PREX1: variants seen among roughly 807,000 people sequenced by gnomAD.
PREX1 encodes phosphatidylinositol-3,4,5-trisphosphate dependent Rac exchange factor 1, also known as phosphatidylinositol 3,4,5-trisphosphate-dependent Rac exchanger 1 protein.
In PREX1, 41 loss-of-function variants were observed where a neutral mutation model predicts 198.3. That is an observed-to-expected ratio of 0.21 (90% CI 0.16 to 0.27). The LOEUF (loss-of-function observed/expected upper bound fraction) is 0.27. PREX1 is among the 10% of genes least tolerant of loss of function. PREX1 has a pLI of 1.00. For missense variants in PREX1, 1,620 were observed against 2,200.7 expected (o/e 0.74, Z 5.28); for synonymous variants, 843 against 887.2 (o/e 0.95, Z 0.89).
chr20:48,665,720 T>A (rs2089634792), intron 15 of PREX1, among the ~76,000 whole-genome samples: 1 of 152,218 alleles, frequency 6.6e-6, no homozygotes, highest in Non-Finnish European at 1.5e-5. Context: ...TTGTTGTAAT[T>A]TAAACCGGTG....
rs1030570880 is a variant in PREX1 at position 48,625,718 on chromosome 20, G to C, written c.*167C>G. The stretch of plus-strand genomic sequence containing the variant: ...ATCAGCCAGCTCGTCATCACAGCGA[G>C]GGTGGCCAGGCTTGTCCCGGAAGGA... On this transcript the variant is annotated 3_prime_UTR_variant, in exon 40 of 40. Coordinates refer to ENST00000371941, the MANE Select transcript of PREX1 (RefSeq NM_020820.4). 1 of 797,500 alleles carries C rather than the reference G, an allele frequency of 1.3e-6. No individual in the cohort carries two copies. 49.4% of individuals were successfully genotyped at this position (797,500 alleles called of 1,614,324 possible).
At chr20:48,636,354 G>A in intron 32 of PREX1, 109 bp downstream of exon 32, 3 of 1,146,024 alleles carry the variant, frequency 2.6e-6, no homozygotes, top group Non-Finnish European at 3.6e-6. Context: ...CTGCGGGAAT[G>A]ACGAGGCCAG....
At chr20:48,754,335 A>G (rs994656932) in intron 1 of PREX1, among the ~76,000 whole-genome samples, 3 of 152,162 alleles carry the variant, frequency 2.0e-5, no homozygotes, top group Non-Finnish European at 4.4e-5. Context: ...CTGGCAAGTG[A>G]AGGAGCTGGG....
chr20:48,641,839 A>AGAGG (rs2089413372), intron 29 of PREX1, among the ~76,000 whole-genome samples: 11 of 94,412 alleles, frequency 1.2e-4, no homozygotes, highest in African/African-American at 5.2e-4. Flanking sequence ...AGAGAGAGAG[A>AGAGG]GAGGAAGGAA....
chr20:48,704,147 G>A (rs984618116), intron 6 of PREX1, among the ~76,000 whole-genome samples: 23 of 152,258 alleles, frequency 1.5e-4, no homozygotes, highest in African/African-American at 3.4e-4. Context: ...GAGGCACAGC[G>A]TGGTGAAGTG....
Position 48,692,656 on chromosome 20 carries a change from C to T in PREX1, c.1036+16G>A. On this transcript the variant is annotated intron_variant, in intron 8 of 39. Transcript: ENST00000371941. Reference sequence around the variant, plus strand: ...GGGCTCAGGCAGGGCTCAGGCAAGGCTGGGGGAGGGGCTACCTGTCCCATC... The same window carrying T: ...GGGCTCAGGCAGGGCTCAGGCAAGGTTGGGGGAGGGGCTACCTGTCCCATC... The T allele has an allele frequency of 6.2e-7, 1 of 1,605,458 alleles. No individual in the cohort carries two copies. Among genetic ancestry groups the T allele is most frequent in the Non-Finnish European group, 8.5e-7 (1 of 1,172,362 alleles).
chr20:48,787,179 C>G (rs1245900648), intron 1 of PREX1, among the ~76,000 whole-genome samples: 2 of 152,148 alleles, frequency 1.3e-5, no homozygotes, highest in African/African-American at 2.4e-5. Flanking sequence ...CCCCTCAACC[C>G]TGGCCCTCCC....
At chr20:48,644,297 A>C in intron 27 of PREX1, 112 bp downstream of exon 27, 1 of 929,956 alleles carries the variant, frequency 1.1e-6, no homozygotes, top group South Asian at 1.6e-5. Context: ...GGACCATGCA[A>C]TAAAACACAA....
chr20:48,717,445 G>C (rs1601094150), intron 5 of PREX1, among the ~76,000 whole-genome samples: 1 of 151,212 alleles, frequency 6.6e-6, no homozygotes, highest in Middle Eastern at 3.4e-3. Flanking sequence ...GCCATACCTA[G>C]GGTGACAGCA....
At chr20:48,776,706 C>T (rs189497369) in intron 1 of PREX1, among the ~76,000 whole-genome samples, 6 of 152,288 alleles carry the variant, frequency 3.9e-5, no homozygotes, top group Non-Finnish European at 8.8e-5. Flanking sequence ...CACTCAGTCT[C>T]CTCTCTGGAA....
intron 37 of PREX1, 24 bp from the exon 38 acceptor site, chr20:48,627,987 C>T (rs746343713): frequency 3.4e-5 from 40 of 1,163,446 alleles, no homozygotes; most frequent in Admixed American, 1.0e-4. Flanking sequence ...GGGAGGACAG[C>T]GGGTTGGCGG....
chr20:48,836,271 A>T, the PREX1 span, among the ~76,000 whole-genome samples: 1 of 152,136 alleles, frequency 6.6e-6, no homozygotes. Context: ...AAATGTAGCC[A>T]TTGTCAGGAT....
At chr20:48,710,782 G>A (rs888241360) in intron 5 of PREX1, among the ~76,000 whole-genome samples, 4 of 152,248 alleles carry the variant, frequency 2.6e-5, no homozygotes, top group South Asian at 2.1e-4. Flanking sequence ...GTGAGGCCAC[G>A]GGCCACACTG....
chr20:48,651,529 A>G lies in PREX1; in HGVS notation c.2522T>C (p.Met841Thr), dbSNP rs1374140477. Residue 841 changes from methionine (M) to threonine (T), a missense_variant, in exon 22 of 40, where the codon ATG (methionine) becomes ACG (threonine). This residue lies in a region of PREX1 where 514 missense variants were observed against 611.6 expected (regional missense o/e 0.84). Transcript: ENST00000371941. ...PRLSLCEDSP[M>T]VTLTVDNVHL... ...CACGTTGTCCACAGTCAGGGTGACC[A>G]TGGGGCTGTCCTCACACAGGCTCAG... 6.2e-7 allele frequency: 1 copy of G among 1,614,108 alleles called. No individual in the cohort carries two copies. Among genetic ancestry groups the G allele is most frequent in the African/African-American group, 1.3e-5 (1 of 74,958 alleles).
chr20:48,689,679 C>T (rs1378480538), intron 9 of PREX1, among the ~76,000 whole-genome samples: 2 of 152,202 alleles, frequency 1.3e-5, no homozygotes, highest in Admixed American at 1.3e-4. Context: ...ACATACTCAG[C>T]CCCGATCAAT....
In PREX1 at chr20:48,651,980, G is replaced by A. The variant is rs765581377; in HGVS notation, c.2468-397C>T. On this transcript the variant is annotated intron_variant, in intron 21 of 39. Transcript: ENST00000371941. ...ACGGGCAAGGAAACAGATTCTCCCCGAGAGCCCAAGGAGGACCACAGCCCT... is the reference window on the plus strand; with the variant it reads ...ACGGGCAAGGAAACAGATTCTCCCCAAGAGCCCAAGGAGGACCACAGCCCT... 6.6e-5 allele frequency among the ~76,000 whole-genome samples: 10 copies of A among 152,288 alleles called. No individual in the cohort carries two copies. The South Asian group carries it at 8.3e-4, about 13-fold the overall frequency.
intron 1 of PREX1, among the ~76,000 whole-genome samples, chr20:48,790,636 G>T (rs1478963338): frequency 2.0e-5 from 3 of 152,154 alleles, no homozygotes; most frequent in Non-Finnish European, 4.4e-5. Context: ...CCTGCAATAT[G>T]CTGAAGAGAA....
At chr20:48,782,486 A>AG (rs144996107) in intron 1 of PREX1, among the ~76,000 whole-genome samples, 2,049 of 152,284 alleles carry the variant, frequency 0.013, 44 homozygotes, top group African/African-American at 0.047. Context: ...AGTCTCGAGT[A>AG]TGTCTTTATC....
intron 25 of PREX1, among the ~76,000 whole-genome samples, chr20:48,648,400 A>G (rs1318834162): frequency 6.6e-6 from 1 of 152,174 alleles, no homozygotes; most frequent in Non-Finnish European, 1.5e-5. Flanking sequence ...TTTTGCCACC[A>G]GCATCTCGTA....
Sources: gnomAD v4.1 joint callset for allele counts (sites outside exome capture counted in the v4.1 genomes callset) on GRCh38, gnomAD v4.1.1 for gene constraint, gnomAD v4.1.1 regional missense constraint, MANE v1.5 for transcripts, NCBI Gene and HGNC (gene_info 2026-07-23, HGNC 2026-07-21) for gene names.